The following CD96 variants were observed in gnomAD, a reference collection of about 807,000 sequenced individuals.
CD96 encodes the protein T-cell surface protein tactile.
A neutral mutation model predicts 71.3 loss-of-function variants in CD96; 70 were observed. The observed-to-expected ratio is 0.98, with a 90% CI of 0.81 to 1.20. The LOEUF (loss-of-function observed/expected upper bound fraction) is 1.20. Ranked by LOEUF, CD96 falls within the 50% of genes most tolerant of loss-of-function variation. CD96 has a pLI of 0.00. For synonymous variants in CD96, 248 were observed against 233.0 expected (o/e 1.06, Z -0.59); for missense variants, 742 against 677.5 (o/e 1.10, Z -1.06).
chr3:111,555,422 G>T (rs1934945849), intron 2 of CD96, among the ~76,000 whole-genome samples: 1 of 152,282 alleles, frequency 6.6e-6, no homozygotes, highest in South Asian at 2.1e-4. Context: ...TACTTGCAAT[G>T]AATTCTTTCA....
chr3:111,553,954 G>A (rs749907040), intron 2 of CD96, among the ~76,000 whole-genome samples: 16 of 151,956 alleles, frequency 1.1e-4, no homozygotes, highest in South Asian at 4.1e-4. Flanking sequence ...TTGCAATGCA[G>A]CATGTTTCTT....
chr3:111,575,013 T>G (rs185029070), intron 3 of CD96, among the ~76,000 whole-genome samples: 143 of 152,110 alleles, frequency 9.4e-4, no homozygotes, highest in African/African-American at 2.5e-3. Flanking sequence ...AGGCTGGTCT[T>G]GAACTCCTGG....
At chr3:111,565,253 G>A (rs2107540798) in intron 2 of CD96, among the ~76,000 whole-genome samples, 1 of 152,134 alleles carries the variant, frequency 6.6e-6, no homozygotes, top group African/African-American at 2.4e-5. Flanking sequence ...GTGGTTTAGT[G>A]GATTTTTCCC....
chr3:111,626,980 A>G (rs1938800745), intron 10 of CD96, among the ~76,000 whole-genome samples: 1 of 152,214 alleles, frequency 6.6e-6, no homozygotes, highest in Admixed American at 6.5e-5. Flanking sequence ...TGATGGAGAT[A>G]TAAGGGATGA....
chr3:111,598,240 C>T (rs764860201), intron 6 of CD96, 30 bp downstream of exon 6: 26 of 915,904 alleles, frequency 2.8e-5, no homozygotes, highest in Admixed American at 1.4e-4. Flanking sequence ...GAAATAAGTT[C>T]GGTACAAAAA....
chr3:111,633,464 T>C (rs1316203049), intron 10 of CD96, among the ~76,000 whole-genome samples: 2 of 152,126 alleles, frequency 1.3e-5, no homozygotes, highest in African/African-American at 4.8e-5. Flanking sequence ...ATGGCACCTA[T>C]AGACTTGCTT....
intron 2 of CD96, among the ~76,000 whole-genome samples, chr3:111,546,862 A>G (rs1333260465): frequency 1.3e-5 from 2 of 149,604 alleles, no homozygotes; most frequent in African/African-American, 4.9e-5. Context: ...ATAATGCCCA[A>G]TTCCCTTGCT....
intron 2 of CD96, among the ~76,000 whole-genome samples, chr3:111,550,589 T>C (rs1159271327): frequency 2.6e-5 from 4 of 151,660 alleles, no homozygotes; most frequent in African/African-American, 9.7e-5. Context: ...TACCCCGATA[T>C]TGAAAAAAAA....
chr3:111,637,376 C>T (rs1939379989), intron 11 of CD96, 115 bp downstream of exon 11: 2 of 725,792 alleles, frequency 2.8e-6, no homozygotes, highest in Admixed American at 2.0e-5. Context: ...TATAAAAGTA[C>T]ATCTTGATGA....
In CD96 at chr3:111,594,183, C is replaced by T. The variant is rs34321066; in HGVS notation, c.808-3937C>T. On this transcript the variant is annotated intron_variant, in intron 5 of 13. Coordinates refer to ENST00000352690, the MANE Select transcript of CD96 (RefSeq NM_005816.5). ...TTCATCATTGTTCCCTCCTCTTCCTCGTCTTCCCGCCTCATCATGTCACCT... is the reference window on the plus strand; with the variant it reads ...TTCATCATTGTTCCCTCCTCTTCCTTGTCTTCCCGCCTCATCATGTCACCT... The T allele has an allele frequency of 6.2e-3, 9,879 of 1,596,946 alleles. 65 individuals are homozygous for T. The highest frequency in any genetic ancestry group is 6.5e-3 in the Non-Finnish European group (7,653 of 1,170,538).
intron 4 of CD96, among the ~76,000 whole-genome samples, chr3:111,582,191 TTATC>T (rs1936497828): frequency 6.6e-6 from 1 of 152,186 alleles, no homozygotes; most frequent in Non-Finnish European, 1.5e-5. Flanking sequence ...CATCAAAGAG[TTATC>T]CCAGTAAGAG....
At chr3:111,618,999 T>C (rs2107698975) in intron 8 of CD96, among the ~76,000 whole-genome samples, 1 of 152,338 alleles carries the variant, frequency 6.6e-6, no homozygotes, top group East Asian at 1.9e-4. Flanking sequence ...CTATGTTGTT[T>C]GGAAAATATT....
At chr3:111,588,313 A>G (rs1335209446) in intron 5 of CD96, among the ~76,000 whole-genome samples, 1 of 152,192 alleles carries the variant, frequency 6.6e-6, no homozygotes, top group African/African-American at 2.4e-5. Context: ...CTTAACTAAA[A>G]CATAACAAGA....
chr3:111,591,233 C>T (rs368759961), intron 5 of CD96, among the ~76,000 whole-genome samples: 8 of 151,960 alleles, frequency 5.3e-5, no homozygotes, highest in African/African-American at 1.7e-4. Flanking sequence ...ATTAGCTGGG[C>T]GTGGTGGCAC....
At chr3:111,619,742 A>C (rs1034493093) in intron 8 of CD96, among the ~76,000 whole-genome samples, 3 of 152,246 alleles carry the variant, frequency 2.0e-5, no homozygotes, top group African/African-American at 7.2e-5. Context: ...AAAATTTTTT[A>C]ATTCTCTGCA....
At chr3:111,631,086 G>A (rs944899830) in intron 10 of CD96, among the ~76,000 whole-genome samples, 9 of 151,942 alleles carry the variant, frequency 5.9e-5, no homozygotes, top group African/African-American at 1.7e-4. Flanking sequence ...CTTGAAAACC[G>A]GTACAGGGTT....
intron 11 of CD96, 84 bp downstream of exon 11, chr3:111,637,345 G>A (rs1939378748): frequency 1.3e-6 from 1 of 798,108 alleles, no homozygotes; most frequent in Admixed American, 1.7e-5. Flanking sequence ...GAACTGATAA[G>A]AAGCCAGCCT....
At chr3:111,661,409 C>G (rs1940353903) in intron 14 of CD96, among the ~76,000 whole-genome samples, 1 of 152,200 alleles carries the variant, frequency 6.6e-6, no homozygotes, top group African/African-American at 2.4e-5. Context: ...TCCTAGCAGT[C>G]CCCAAAAGTC....
At chr3:111,571,015 C>T in intron 3 of CD96, 2 of 1,433,096 alleles carry the variant, frequency 1.4e-6, no homozygotes, top group Non-Finnish European at 2.0e-6. Flanking sequence ...TCCAGCTTCT[C>T]TTTTGGGGTC....
Sources: allele counts gnomAD v4.1 joint callset (sites outside exome capture counted in the v4.1 genomes callset), GRCh38; gene constraint gnomAD v4.1.1; transcripts MANE v1.5; gene names NCBI Gene and HGNC (gene_info 2026-07-23, HGNC 2026-07-21).